ADGRD1: variants seen among roughly 807,000 people sequenced by gnomAD.
ADGRD1 encodes the protein adhesion G protein-coupled receptor D1, also known as G-protein coupled receptor 133.
A neutral mutation model predicts 113.4 loss-of-function variants in ADGRD1; 77 were observed. The observed-to-expected ratio is 0.68, with a 90% CI of 0.57 to 0.82. The LOEUF is 0.82. ADGRD1 is among the 40% of genes least tolerant of loss of function. The pLI is 0.00. For missense variants in ADGRD1, 1,036 were observed against 1,139.1 expected (o/e 0.91, Z 1.30); for synonymous variants, 474 against 475.0 (o/e 1.00, Z 0.03).
At chr12:131,122,779 A>G (rs1156909020) in intron 20 of ADGRD1, among the ~76,000 whole-genome samples, 2 of 152,250 alleles carry the variant, frequency 1.3e-5, no homozygotes, top group East Asian at 1.9e-4. Flanking sequence ...TCTGGCTTTC[A>G]TGTCTGACCG....
rs1237637027 is a variant in ADGRD1 at position 131,137,249 on chromosome 12, G to A, written c.2436+235G>A. 19 of 590,970 alleles carry A rather than the reference G, an allele frequency of 3.2e-5. No homozygotes were observed. The Admixed American group carries it at 4.1e-4, about 13-fold the overall frequency. The allele number at this position is 590,970 out of a possible 1,614,324, so 36.6% of individuals were successfully genotyped here. ...CATCCTCTCTCCCTGGAGAATTGGC[G>A]ACTGCATCTTAGGGAGAGTGAGATG... On this transcript the variant is annotated intron_variant, in intron 23 of 24. Transcript: ENST00000261654.
At chr12:130,976,639 C>G (rs1169747693) in intron 4 of ADGRD1, 1 of 152,122 alleles carries the variant, frequency 6.6e-6, no homozygotes, top group African/African-American at 2.4e-5. Context: ...TTGTCTCCTG[C>G]CAGGTGGGTG....
chr12:131,076,778 G>A (rs746311006), intron 13 of ADGRD1, 23 bp from the exon 14 acceptor site: 10 of 1,608,732 alleles, frequency 6.2e-6, no homozygotes, highest in Admixed American at 3.3e-5. Context: ...GTCATGCATC[G>A]TGTTTGCTTT....
rs952111270 is a variant in ADGRD1 at position 130,990,759 on chromosome 12, G to A, written c.746-255G>A. On this transcript the variant is annotated intron_variant, in intron 6 of 24. Coordinates refer to ENST00000261654, the MANE Select transcript of ADGRD1 (RefSeq NM_198827.5). ...GTATAAAATCATCTTTTGATATGCT[G>A]ACTTGCATGAAGGGTGTTCAAAAGC... 5 of 378,054 alleles carry A rather than the reference G, an allele frequency of 1.3e-5. No homozygotes were observed. The Admixed American group carries it at 2.2e-4, about 17-fold the overall frequency. The allele number at this position is 378,054 out of a possible 1,614,324, so 23.4% of individuals were successfully genotyped here. A position where few individuals can be genotyped will look rare whatever the true frequency, so the allele number is the denominator to read the frequency against.
Position 130,954,411 on chromosome 12 carries a change from C to T in ADGRD1, c.-55C>T. 1 of 1,450,828 alleles carries T rather than the reference C, an allele frequency of 6.9e-7. No homozygotes were observed. Among genetic ancestry groups the T allele is most frequent in the South Asian group, 1.4e-5 (1 of 73,380 alleles). The allele number at this position is 1,450,828 out of a possible 1,614,324, so 89.9% of individuals were successfully genotyped here. A position where few individuals can be genotyped will look rare whatever the true frequency, so the allele number is the denominator to read the frequency against. ...GAAGTGAAGGTTAAGAGGTCCCGTTCTCACAGACCCTCAGGAATTTCACTT... is the reference window on the plus strand; with the variant it reads ...GAAGTGAAGGTTAAGAGGTCCCGTTTTCACAGACCCTCAGGAATTTCACTT... On this transcript the variant is annotated 5_prime_UTR_variant, in exon 1 of 25. Transcript: ENST00000261654. This position sits in a 1 kb window ranked among gnomAD's most constrained non-coding sequence, Gnocchi z 4.7.
Position 131,004,204 on chromosome 12 carries a change from TC to T in ADGRD1, c.1165del (p.Leu389CysfsTer5). On this transcript the variant is annotated frameshift_variant, in exon 11 of 25. Transcript: ENST00000261654. LOFTEE classifies it high-confidence loss of function. The part of the protein sequence containing the change: ...SAMAEFSVAK[I>X]LPKTVNSSHY... Reference sequence around the variant, plus strand: ...ACCGCAGAGTTTTCCGTGGCCAAAATCCTGCCCAAGACCGTGAATTCCTCCC... The same window carrying T: ...ACCGCAGAGTTTTCCGTGGCCAAAATCTGCCCAAGACCGTGAATTCCTCCC... 6 of 1,613,712 alleles carry T rather than the reference TC, an allele frequency of 3.7e-6. No homozygotes were observed. Among genetic ancestry groups the T allele is most frequent in the Non-Finnish European group, 3.4e-6 (4 of 1,179,804 alleles).
chr12:131,005,075 A>T (rs1290295451), intron 11 of ADGRD1, among the ~76,000 whole-genome samples: 2 of 152,146 alleles, frequency 1.3e-5, no homozygotes, highest in African/African-American at 4.8e-5. Context: ...GACAGCCCTC[A>T]TCAGACATCT....
At chr12:131,029,666 G>A (rs982666962) in intron 13 of ADGRD1, among the ~76,000 whole-genome samples, 1 of 148,544 alleles carries the variant, frequency 6.7e-6, no homozygotes, top group African/African-American at 2.5e-5. Flanking sequence ...TTAGGTTATG[G>A]ACCCCTCGTA....
chr12:130,996,478 G>T (rs1294111145), intron 8 of ADGRD1, among the ~76,000 whole-genome samples: 1 of 117,796 alleles, frequency 8.5e-6, no homozygotes, highest in Non-Finnish European at 1.9e-5. Flanking sequence ...AGTAGGGGCG[G>T]CCGGGCAGAG....
At chr12:131,103,681 G>T (rs1444187503) in intron 15 of ADGRD1, among the ~76,000 whole-genome samples, 1 of 152,226 alleles carries the variant, frequency 6.6e-6, no homozygotes, top group Non-Finnish European at 1.5e-5. Context: ...CTTTGTCCTG[G>T]TGATCGGGGA....
intron 11 of ADGRD1, 64 bp from the exon 12 acceptor site, chr12:131,005,908 T>A (rs756726775): frequency 7.8e-7 from 1 of 1,277,410 alleles, no homozygotes; most frequent in Non-Finnish European, 1.1e-6. Context: ...GGCGTGGGGC[T>A]TTGTGTTTTT....
Position 130,954,653 on chromosome 12 carries a change from C to G in ADGRD1, c.96C>G (p.Asp32Glu), listed in dbSNP as rs747048141. 6.2e-7 allele frequency: 1 copy of G among 1,613,064 alleles called. No individual in the cohort carries two copies. Among genetic ancestry groups the G allele is most frequent in the South Asian group, 1.1e-5 (1 of 91,026 alleles). Residue 32 changes from aspartate (D) to glutamate (E), a missense_variant, in exon 2 of 25, where the codon GAC (aspartate) becomes GAG (glutamate). Coordinates refer to ENST00000261654, the MANE Select transcript of ADGRD1 (RefSeq NM_198827.5). This position sits in a 1 kb window ranked among gnomAD's most constrained non-coding sequence, Gnocchi z 4.7. ...QVRGVYSRSQ[D>E]HPGFQVLASA... ...GTGGCGTCTACTCCAGATCGCAGGA[C>G]CATCCAGGTAAGAGTGTTTCCTTCT... is the stretch of plus-strand genomic sequence containing the variant.
intron 18 of ADGRD1, among the ~76,000 whole-genome samples, chr12:131,114,894 A>C (rs1225345942): frequency 6.6e-6 from 1 of 152,190 alleles, no homozygotes; most frequent in Non-Finnish European, 1.5e-5. Flanking sequence ...CACATCACTG[A>C]AGCAGACAAG....
At chr12:130,981,851 T>C in intron 4 of ADGRD1, 33 bp from the exon 5 acceptor site, 4 of 1,525,768 alleles carry the variant, frequency 2.6e-6, no homozygotes, top group Non-Finnish European at 9.0e-7. Flanking sequence ...TCCCCTGCTC[T>C]CTGTGAATAA....
Position 131,105,854 on chromosome 12 carries a change from G to C in ADGRD1, c.1876G>C (p.Glu626Gln), listed in dbSNP as rs199778477. 6.3e-7 allele frequency: 1 copy of C among 1,598,070 alleles called. No individual in the cohort carries two copies. The highest frequency in any genetic ancestry group is 1.3e-5 in the African/African-American group (1 of 74,906). ...QVLLLISFRL[E>Q]PGTTPCQVMA... The stretch of plus-strand genomic sequence containing the variant: ...CCTGCTGCTCATTAGTTTCCGCCTC[G>C]AGCCGGGCACGGTGAGTGGGCGCAG... Residue 626 changes from glutamate (E) to glutamine (Q), a missense_variant, in exon 17 of 25, where the codon GAG becomes CAG. By Grantham distance (29) the Glu-to-Gln change is conservative. Transcript: ENST00000261654.
rs551849692 is a variant in ADGRD1 at position 131,006,507 on chromosome 12, C to G, written c.1331+460C>G. 4.6e-5 allele frequency among the ~76,000 whole-genome samples: 7 copies of G among 152,288 alleles called. No homozygotes were observed. The East Asian group carries it at 1.2e-3, about 25-fold the overall frequency. ...AGGTGGGCCTCAGTCATGGCTGGAC[C>G]CGGGGACCCCGAGGACGCCGTCTAG... On this transcript the variant is annotated intron_variant, in intron 12 of 24. Coordinates refer to ENST00000261654, the MANE Select transcript of ADGRD1 (RefSeq NM_198827.5).
intron 13 of ADGRD1, among the ~76,000 whole-genome samples, chr12:131,066,914 C>T (rs1346524495): frequency 2.0e-5 from 3 of 152,174 alleles, no homozygotes; most frequent in African/African-American, 7.2e-5. Context: ...CTTTAAGGGC[C>T]TCGGCTTTCC....
At chr12:130,975,360 T>C (rs534150179) in intron 4 of ADGRD1, among the ~76,000 whole-genome samples, 1 of 152,306 alleles carries the variant, frequency 6.6e-6, no homozygotes, top group East Asian at 1.9e-4. Context: ...GAGGACTGAG[T>C]CTGCCTTGGC....
intron 20 of ADGRD1, among the ~76,000 whole-genome samples, chr12:131,129,117 C>CA (rs1566136246): frequency 4.3e-5 from 6 of 140,820 alleles, no homozygotes; most frequent in Admixed American, 1.4e-4. Context: ...AGTGACAGGC[C>CA]GGCCCTGCTG....
Sources: gnomAD v4.1 joint callset for allele counts (sites outside exome capture counted in the v4.1 genomes callset) on GRCh38, gnomAD v4.1.1 for gene constraint, Gnocchi (gnomAD v3.1) non-coding constraint, MANE v1.5 for transcripts, NCBI Gene and HGNC (gene_info 2026-07-23, HGNC 2026-07-21) for gene names.